C12orf56: variants seen among roughly 807,000 people sequenced by gnomAD.
C12orf56 encodes the protein chromosome 12 open reading frame 56, also known as uncharacterized protein C12orf56.
A neutral mutation model predicts 69.9 loss-of-function variants in C12orf56; 71 were observed. The observed-to-expected ratio is 1.02, with a 90% confidence interval of 0.84 to 1.24. C12orf56 has a LOEUF of 1.24. Ranked by LOEUF, C12orf56 falls within the 50% of genes most tolerant of loss-of-function variation. C12orf56 has a pLI of 0.00. For synonymous variants in C12orf56, 276 were observed against 274.1 expected, an observed-to-expected ratio of 1.01 and a Z score of -0.07; for missense variants, 732 against 738.5, an observed-to-expected ratio of 0.99 and a Z score of 0.10.
At chr12:64,301,025 TTC>T (rs148592544) in intron 6 of C12orf56, among the ~76,000 whole-genome samples, 4 of 151,862 alleles carry the variant, frequency 2.6e-5, no homozygotes, top group Non-Finnish European at 4.4e-5. Context: ...CCCCTGCACA[TTC>T]TCTCTCTCTC....
intron 1 of C12orf56, among the ~76,000 whole-genome samples, chr12:64,387,798 C>A (rs1223327510): frequency 6.6e-6 from 1 of 151,924 alleles, no homozygotes; most frequent in Non-Finnish European, 1.5e-5. Flanking sequence ...GGCAACAGAG[C>A]AAGGCCCTGT....
chr12:64,369,133 C>A (rs1464337755), intron 1 of C12orf56, among the ~76,000 whole-genome samples: 1 of 145,112 alleles, frequency 6.9e-6, no homozygotes, highest in African/African-American at 2.6e-5. Flanking sequence ...AACCTGGGCA[C>A]CATAGTGAGA....
chr12:64,270,964 G>A (rs889073452), intron 11 of C12orf56, among the ~76,000 whole-genome samples: 1 of 151,966 alleles, frequency 6.6e-6, no homozygotes, highest in Non-Finnish European at 1.5e-5. Flanking sequence ...TCAGGAGTTC[G>A]AGATCAGCCT....
chr12:64,386,322 T>C (rs1422658678), intron 1 of C12orf56, among the ~76,000 whole-genome samples: 1 of 151,314 alleles, frequency 6.6e-6, no homozygotes, highest in East Asian at 1.9e-4. Flanking sequence ...CAAGCGATTC[T>C]CCCACCTCAG....
intron 2 of C12orf56, chr12:64,352,190 A>G (rs1301478319): frequency 6.6e-6 from 1 of 150,476 alleles, no homozygotes; most frequent in Non-Finnish European, 1.5e-5. Context: ...AGGATCTTTG[A>G]GCTATCCTTA....
intron 5 of C12orf56, among the ~76,000 whole-genome samples, chr12:64,304,099 C>A (rs2038482021): frequency 6.6e-6 from 1 of 152,022 alleles, no homozygotes; most frequent in African/African-American, 2.4e-5. Context: ...TAATATTTTT[C>A]TTTCAATCAA....
At chr12:64,374,054 C>A (rs2039608237) in intron 1 of C12orf56, among the ~76,000 whole-genome samples, 1 of 152,102 alleles carries the variant, frequency 6.6e-6, no homozygotes, top group African/African-American at 2.4e-5. Flanking sequence ...TATATTCTAC[C>A]TGGGCTTTAG....
chr12:64,309,199 C>T (rs1164897338), intron 5 of C12orf56, among the ~76,000 whole-genome samples: 1 of 152,176 alleles, frequency 6.6e-6, no homozygotes, highest in Non-Finnish European at 1.5e-5. Flanking sequence ...AGTTAATTCA[C>T]AATGTTCTAC....
At chr12:64,364,223 C>T (rs2039435708) in intron 1 of C12orf56, among the ~76,000 whole-genome samples, 1 of 151,878 alleles carries the variant, frequency 6.6e-6, no homozygotes, top group Non-Finnish European at 1.5e-5. Flanking sequence ...GTCGAGGTTG[C>T]AGTGAGCCGA....
At chr12:64,283,863 G>A (rs1015723035) in intron 8 of C12orf56, among the ~76,000 whole-genome samples, 1 of 151,098 alleles carries the variant, frequency 6.6e-6, no homozygotes, top group African/African-American at 2.4e-5. Context: ...GTGTAAGAAA[G>A]ATTTCAATTA....
chr12:64,320,076 C>T (rs2038751523), intron 3 of C12orf56, among the ~76,000 whole-genome samples: 3 of 152,236 alleles, frequency 2.0e-5, no homozygotes, highest in Non-Finnish European at 2.9e-5. Context: ...CGCTCCCGAA[C>T]GGGCTAAAGG....
At chr12:64,336,211 T>C (rs1395602438) in intron 2 of C12orf56, among the ~76,000 whole-genome samples, 1 of 152,186 alleles carries the variant, frequency 6.6e-6, no homozygotes, top group Non-Finnish European at 1.5e-5. Flanking sequence ...TCTTGTAATG[T>C]AGCTGGGGCT....
At chr12:64,276,993 T>TTAAAAAAAAAA (rs1230405671) in intron 9 of C12orf56, among the ~76,000 whole-genome samples, 5 of 69,212 alleles carry the variant, frequency 7.2e-5, no homozygotes, top group African/African-American at 2.3e-4. Flanking sequence ...AACCCTTTCT[T>TTAAAAAAAAAA]AAAAAAAAAA....
intron 1 of C12orf56, among the ~76,000 whole-genome samples, chr12:64,380,350 C>T (rs927338253): frequency 1.3e-5 from 2 of 151,802 alleles, no homozygotes; most frequent in African/African-American, 2.4e-5. Flanking sequence ...ATATCAACTC[C>T]TTCTCTAAGA....
intron 2 of C12orf56, chr12:64,338,533 C>A: frequency 7.7e-7 from 1 of 1,302,496 alleles, no homozygotes; most frequent in South Asian, 1.2e-5. Context: ...TAAGGTCATC[C>A]CTCACTCTGA....
chr12:64,381,752 G>T (rs2039721782), intron 1 of C12orf56, among the ~76,000 whole-genome samples: 1 of 152,058 alleles, frequency 6.6e-6, no homozygotes, highest in Non-Finnish European at 1.5e-5. Flanking sequence ...CAGAAAATAG[G>T]GTCAGAAAGT....
At chr12:64,335,894 G>A (rs1436720401) in intron 2 of C12orf56, among the ~76,000 whole-genome samples, 2 of 152,142 alleles carry the variant, frequency 1.3e-5, no homozygotes, top group African/African-American at 4.8e-5. Flanking sequence ...TTTTACCCAA[G>A]AGGTTTGGAG....
intron 2 of C12orf56, among the ~76,000 whole-genome samples, chr12:64,345,699 T>C (rs1018484175): frequency 2.0e-5 from 3 of 152,192 alleles, no homozygotes; most frequent in African/African-American, 7.2e-5. Context: ...AGTATCTGCT[T>C]CTGACGCTGG....
At chr12:64,325,494 A>T (rs2136852453) in intron 3 of C12orf56, among the ~76,000 whole-genome samples, 1 of 152,328 alleles carries the variant, frequency 6.6e-6, no homozygotes, top group African/African-American at 2.4e-5. Context: ...ACTGGGGGAA[A>T]ATGAGATCTC....
Sources: allele counts gnomAD v4.1 joint callset (sites outside exome capture counted in the v4.1 genomes callset), GRCh38; gene constraint gnomAD v4.1.1; transcripts MANE v1.5; gene names NCBI Gene and HGNC (gene_info 2026-07-23, HGNC 2026-07-21).